Variants in LEF1 observed in about 807,000 individuals in gnomAD.
LEF1 encodes lymphoid enhancer-binding factor 1.
LEF1 carries 14 observed loss-of-function variants against 51.2 expected under a neutral mutation model. The ratio of observed to expected loss-of-function variants is 0.27; its 90% CI spans 0.18 to 0.43. The LOEUF is 0.43. Among genes scored for constraint, LEF1 ranks in the 20% least tolerant of loss-of-function variants. LEF1 has a pLI of 1.00. For missense variants in LEF1, 386 were observed against 512.0 expected (o/e 0.75, Z 2.37); for synonymous variants, 185 against 183.2 (o/e 1.01, Z -0.08).
intron 8 of LEF1, chr4:108,071,020 T>C (rs1288236549): frequency 9.0e-6 from 3 of 334,368 alleles, no homozygotes; most frequent in Non-Finnish European, 1.6e-5. Context: ...AATCAAAGTG[T>C]TCAAAGTAAA....
At chr4:108,117,173 C>T (rs1269190275) in intron 3 of LEF1, among the ~76,000 whole-genome samples, 1 of 152,160 alleles carries the variant, frequency 6.6e-6, no homozygotes, top group Non-Finnish European at 1.5e-5. Context: ...TTACCTAATA[C>T]TGCCACCCAG....
chr4:108,122,840 A>G (rs1020245011), intron 3 of LEF1, among the ~76,000 whole-genome samples: 1 of 152,190 alleles, frequency 6.6e-6, no homozygotes, highest in Non-Finnish European at 1.5e-5. Flanking sequence ...TCAGCTATGT[A>G]GCTATTTAAC....
At chr4:108,138,824 C>T (rs540481359) in intron 3 of LEF1, among the ~76,000 whole-genome samples, 78 of 152,214 alleles carry the variant, frequency 5.1e-4, no homozygotes, top group Non-Finnish European at 8.7e-4. Context: ...AGCTTGCTGA[C>T]GCATGATGCC....
At chr4:108,123,550 G>C (rs1470153287) in intron 3 of LEF1, among the ~76,000 whole-genome samples, 1 of 148,526 alleles carries the variant, frequency 6.7e-6, no homozygotes, top group African/African-American at 2.5e-5. Context: ...AGCTTTAATG[G>C]TCCATTTACT....
intron 3 of LEF1, among the ~76,000 whole-genome samples, chr4:108,093,328 T>C (rs1011499667): frequency 6.6e-6 from 1 of 152,156 alleles, no homozygotes; most frequent in Admixed American, 6.6e-5. Flanking sequence ...ACTGTACACA[T>C]AGTAAGTACC....
intron 11 of LEF1, among the ~76,000 whole-genome samples, chr4:108,058,182 T>A (rs1737432746): frequency 6.6e-6 from 1 of 152,184 alleles, no homozygotes; most frequent in Admixed American, 6.5e-5. Context: ...CCTTTTTTTA[T>A]CTTTTAAAAG....
In LEF1 at chr4:108,047,801, G is replaced by T. The variant is rs1736715034; in HGVS notation, c.*957C>A. On this transcript the variant is annotated 3_prime_UTR_variant, in exon 12 of 12. Transcript: ENST00000265165. ...CAAGTGCTGGGCTTTTTACAACAAGGGGGTGATAAGGAAAGAAATGAAAAT... is the reference window on the plus strand; with the variant it reads ...CAAGTGCTGGGCTTTTTACAACAAGTGGGTGATAAGGAAAGAAATGAAAAT... The T allele has an allele frequency of 6.6e-6, 1 of 152,574 alleles. No homozygotes were observed. The highest frequency in any genetic ancestry group is 6.5e-5 in the Admixed American group (1 of 15,278). The allele number at this position is 152,574 out of a possible 1,614,324, so 9.5% of individuals were successfully genotyped here.
At chr4:108,135,528 A>G (rs1343650914) in intron 3 of LEF1, among the ~76,000 whole-genome samples, 1 of 152,086 alleles carries the variant, frequency 6.6e-6, no homozygotes, top group Admixed American at 6.5e-5. Flanking sequence ...CAGGATGGCG[A>G]GAGTGAAGGT....
rs955114572 is a variant in LEF1 at position 108,167,899 on chromosome 4, G to C, written c.-132C>G. The C allele has an allele frequency of 1.6e-5, 10 of 621,002 alleles. No homozygotes were observed. The African/African-American group carries it at 1.7e-4, about 11-fold the overall frequency. The allele number at this position is 621,002 out of a possible 1,614,324, so 38.5% of individuals were successfully genotyped here. A position where few individuals can be genotyped will look rare whatever the true frequency, so the allele number is the denominator to read the frequency against. On this transcript the variant is annotated 5_prime_UTR_variant, in exon 1 of 12. Transcript: ENST00000265165. This position sits in a 1 kb window ranked among gnomAD's most constrained non-coding sequence, Gnocchi z 5.7. Reference sequence around the variant, plus strand: ...TCGTGCAGCAGGACAGCGGGCGGAAGCGGGGCGGGCGAGCGCGGGGCCGCC... The same window carrying C: ...TCGTGCAGCAGGACAGCGGGCGGAACCGGGGCGGGCGAGCGCGGGGCCGCC...
In LEF1 at chr4:108,048,621, T is replaced by A. The variant is rs754254418; in HGVS notation, c.*137A>T. On this transcript the variant is annotated 3_prime_UTR_variant, in exon 12 of 12. Transcript: ENST00000265165. ...CAGTGACCTCAGGGTAAAATTGATGTCAGTGTTCCTTTGGGGTCGACTGGG... is the reference window on the plus strand; with the variant it reads ...CAGTGACCTCAGGGTAAAATTGATGACAGTGTTCCTTTGGGGTCGACTGGG... 83 of 1,228,846 alleles carry A rather than the reference T, an allele frequency of 6.8e-5. No homozygotes were observed. Among genetic ancestry groups the A allele is most frequent in the Non-Finnish European group, 9.3e-5 (82 of 877,054 alleles). The allele number at this position is 1,228,846 out of a possible 1,614,324, so 76.1% of individuals were successfully genotyped here.
intron 3 of LEF1, among the ~76,000 whole-genome samples, chr4:108,157,171 T>TACAC (rs1381299286): frequency 7.3e-5 from 4 of 54,934 alleles, no homozygotes; most frequent in Non-Finnish European, 1.6e-4. Flanking sequence ...TCTCTCTCTA[T>TACAC]ATATATATAC....
intron 3 of LEF1, among the ~76,000 whole-genome samples, chr4:108,117,221 C>T (rs568891284): frequency 1.2e-4 from 19 of 152,154 alleles, no homozygotes; most frequent in African/African-American, 4.6e-4. Context: ...TAATTTTTCT[C>T]CATTATACCT....
intron 3 of LEF1, among the ~76,000 whole-genome samples, chr4:108,103,919 T>A (rs1740978224): frequency 6.6e-6 from 1 of 152,206 alleles, no homozygotes; most frequent in African/African-American, 2.4e-5. Flanking sequence ...GTGATGCCAC[T>A]CCTTCTGAAA....
chr4:108,099,088 A>C (rs1740578588), intron 3 of LEF1, among the ~76,000 whole-genome samples: 1 of 152,198 alleles, frequency 6.6e-6, no homozygotes, highest in South Asian at 2.1e-4. Context: ...TGTGAAAATA[A>C]TGTAAATGAT....
intron 6 of LEF1, among the ~76,000 whole-genome samples, chr4:108,079,827 A>C (rs930360849): frequency 2.0e-5 from 3 of 152,218 alleles, no homozygotes; most frequent in African/African-American, 7.2e-5. Context: ...TTTTCTTGCA[A>C]AGCAATTTTG....
chr4:108,078,755 C>T (rs1362241382), intron 7 of LEF1, among the ~76,000 whole-genome samples: 1 of 152,186 alleles, frequency 6.6e-6, no homozygotes, highest in Non-Finnish European at 1.5e-5. Context: ...GCTGAACACA[C>T]AGCACAGGTG....
chr4:108,048,400 A>T lies in LEF1; in HGVS notation c.*358T>A, dbSNP rs1194935371. 3.7e-6 allele frequency: 1 copy of T among 269,018 alleles called. No individual in the cohort carries two copies. The highest frequency in any genetic ancestry group is 2.2e-5 in the African/African-American group (1 of 45,658). The allele number at this position is 269,018 out of a possible 1,614,324, so 16.7% of individuals were successfully genotyped here. ...CCTTGCCGAAAGGTTACAGGTTTGGATGCAAGATGCTCTGGGAAGTGCACG... is the reference window on the plus strand; with the variant it reads ...CCTTGCCGAAAGGTTACAGGTTTGGTTGCAAGATGCTCTGGGAAGTGCACG... On this transcript the variant is annotated 3_prime_UTR_variant, in exon 12 of 12. Transcript: ENST00000265165.
At chr4:108,081,335 G>C (rs1055241542) in intron 6 of LEF1, among the ~76,000 whole-genome samples, 2 of 152,094 alleles carry the variant, frequency 1.3e-5, no homozygotes, top group Admixed American at 1.3e-4. Context: ...GAATTTGTTT[G>C]GAGGCAACGC....
At chr4:108,156,978 G>T (rs182065862) in intron 3 of LEF1, among the ~76,000 whole-genome samples, 78 of 151,924 alleles carry the variant, frequency 5.1e-4, no homozygotes, top group Non-Finnish European at 9.9e-4. Context: ...AATTACACTT[G>T]TACTCCATAA....
Sources: gnomAD v4.1 joint callset for allele counts (sites outside exome capture counted in the v4.1 genomes callset) on GRCh38, gnomAD v4.1.1 for gene constraint, Gnocchi (gnomAD v3.1) non-coding constraint, MANE v1.5 for transcripts, NCBI Gene and HGNC (gene_info 2026-07-23, HGNC 2026-07-21) for gene names.